Variants in TRAPPC8 observed in about 807,000 individuals in gnomAD.
The protein encoded by TRAPPC8 is general sporulation gene 1 homolog.
Under a neutral mutation model 174.3 loss-of-function variants are expected in TRAPPC8, and 54 were observed. The ratio of observed to expected loss-of-function variants is 0.31; its 90% CI spans 0.25 to 0.39. The LOEUF (loss-of-function observed/expected upper bound fraction) is 0.39, where lower values mean the gene tolerates loss of function less well. TRAPPC8 is among the 10% of genes least tolerant of loss of function. The probability of loss-of-function intolerance (pLI) is 1.00; values close to 1 mark genes in which losing one functional copy is unlikely to be tolerated. For synonymous variants in TRAPPC8, 630 were observed against 579.9 expected (o/e 1.09, Z -1.24); for missense variants, 1,531 against 1,699.1 (o/e 0.90, Z 1.74).
intron 24 of TRAPPC8, among the ~76,000 whole-genome samples, chr18:31,850,336 A>G (rs1377175369): frequency 2.0e-5 from 3 of 152,226 alleles, no homozygotes; most frequent in African/African-American, 7.2e-5. Flanking sequence ...CCAAGTATCT[A>G]GGGAGAATGA....
rs749815507 is a variant in TRAPPC8, at chr18:31,874,609, C to A, written c.1824G>T (p.Gly608=). 2.5e-5 allele frequency: 40 copies of A among 1,613,920 alleles called. 1 individual carries two copies. The South Asian group carries it at 4.3e-4, about 17-fold the overall frequency. ...GCTGTCTAAGAGTATAGGACTGGCG[C>A]CCAATAGTGAAATTAATGTGATCCT... The part of the protein sequence containing the change: ...LAEDHINFTI[G]RQSYTLRQLD... The change falls in exon 13 of 29, where the codon GGG becomes GGT. Residue 608 remains glycine, a synonymous_variant. Transcript: ENST00000283351.
At chr18:31,836,758 C>CTTTT (rs68104803) in intron 27 of TRAPPC8, among the ~76,000 whole-genome samples, 3 of 89,872 alleles carry the variant, frequency 3.3e-5, no homozygotes, top group African/African-American at 4.7e-5. Context: ...ATCTTTCAGT[C>CTTTT]TTTTTTTTTT....
At chr18:31,942,546 A>G in intron 1 of TRAPPC8, 62 bp downstream of exon 1, 1 of 1,466,110 alleles carries the variant, frequency 6.8e-7, no homozygotes, top group Non-Finnish European at 9.1e-7. Context: ...GCCCGCCCGC[A>G]ACTTCCTTCT....
At chr18:31,870,646 C>G (rs1314058600) in intron 15 of TRAPPC8, 144 bp from the exon 16 acceptor site, 1 of 957,990 alleles carries the variant, frequency 1.0e-6, no homozygotes, top group Non-Finnish European at 1.5e-6. Flanking sequence ...TCCACGTATT[C>G]AGGATTCTGT....
chr18:31,849,633 G>C lies in TRAPPC8; in HGVS notation c.3668C>G (p.Thr1223Arg), dbSNP rs141947332. The change falls in exon 25 of 29, where the codon ACA becomes AGA. Residue 1223 changes from threonine (T) to arginine (R), a missense_variant. Coordinates refer to ENST00000283351, the MANE Select transcript of TRAPPC8 (RefSeq NM_014939.5). ...HLPVHTEKQS[T>R]EDAVRLIQKC... is the part of the protein sequence containing the mutation. Reference sequence around the variant, plus strand: ...TTGAATCAATCTCACAGCATCCTCTGTTGACTGTTTTTCTGTATGCACAGG... The same window carrying C: ...TTGAATCAATCTCACAGCATCCTCTCTTGACTGTTTTTCTGTATGCACAGG... 87 of 1,613,082 alleles carry C rather than the reference G, an allele frequency of 5.4e-5. No homozygotes were observed. In the African/African-American group the frequency reaches 1.0e-3, roughly 19 times the overall value.
chr18:31,923,871 G>A (rs1267649847), intron 2 of TRAPPC8, among the ~76,000 whole-genome samples: 1 of 152,232 alleles, frequency 6.6e-6, no homozygotes, highest in Non-Finnish European at 1.5e-5. Flanking sequence ...ATAAGGCCGG[G>A]TGTGGTGGCT....
chr18:31,836,164 G>A (rs1031103547), intron 27 of TRAPPC8, among the ~76,000 whole-genome samples: 5 of 152,144 alleles, frequency 3.3e-5, no homozygotes, highest in African/African-American at 4.8e-5. Flanking sequence ...TAGAGATGCC[G>A]GTACCCTGCT....
intron 20 of TRAPPC8, among the ~76,000 whole-genome samples, chr18:31,856,570 A>G (rs1195150882): frequency 6.6e-6 from 1 of 152,140 alleles, no homozygotes; most frequent in African/African-American, 2.4e-5. Flanking sequence ...ACTACCAAAT[A>G]AAGTTCAAAC....
chr18:31,849,706 A>C lies in TRAPPC8; in HGVS notation c.3595T>G (p.Phe1199Val). The C allele has an allele frequency of 1.2e-6, 2 of 1,610,834 alleles. No individual in the cohort carries two copies. Among genetic ancestry groups the C allele is most frequent in the Non-Finnish European group, 8.5e-7 (1 of 1,178,400 alleles). ...AATTCAGAAGATAAACTTCGATAAA[A>C]GAAGTCTGCACATGGGCTTGCTGAA... ...ISSASPCADFFYRSLSSELKK... is the reference protein window; with the variant it reads ...ISSASPCADFVYRSLSSELKK... Residue 1199 changes from phenylalanine (F) to valine (V), a missense_variant, in exon 25 of 29, where the codon TTT (phenylalanine) becomes GTT (valine). Coordinates refer to ENST00000283351, the MANE Select transcript of TRAPPC8 (RefSeq NM_014939.5).
chr18:31,931,215 C>T, intron 2 of TRAPPC8, 114 bp downstream of exon 2: 1 of 961,400 alleles, frequency 1.0e-6, no homozygotes, highest in Non-Finnish European at 1.5e-6. Context: ...ATTCTCAGGC[C>T]CTAGCACTTA....
Position 31,845,153 on chromosome 18 carries a change from C to T in TRAPPC8, c.3837+1563G>A, listed in dbSNP as rs1474100382. On this transcript the variant is annotated intron_variant, in intron 26 of 28. Transcript: ENST00000283351. ...GTGGCGGGTGGCCACTGCACTCCAG[C>T]CTGGGCGACAGCGAGACTCCGTCTC... is the stretch of plus-strand genomic sequence containing the variant. 5 of 150,736 alleles carry T rather than the reference C, an allele frequency of 3.3e-5. No homozygotes were observed. The East Asian group carries it at 5.8e-4, about 18-fold the overall frequency. The allele number at this position is 150,736 out of a possible 1,614,324, so 9.3% of individuals were successfully genotyped here. A position where few individuals can be genotyped will look rare whatever the true frequency, so the allele number is the denominator to read the frequency against.
intron 27 of TRAPPC8, 125 bp from the exon 28 acceptor site, chr18:31,832,298 G>A: frequency 2.7e-6 from 1 of 374,304 alleles, no homozygotes; most frequent in Non-Finnish European, 4.5e-6. Context: ...GATTCAAGAA[G>A]GAAAAAGCTC....
At chr18:31,860,874 T>C (rs1360539025) in intron 19 of TRAPPC8, among the ~76,000 whole-genome samples, 1 of 152,204 alleles carries the variant, frequency 6.6e-6, no homozygotes, top group South Asian at 2.1e-4. Flanking sequence ...CCCAAACTTG[T>C]TCACATAAAT....
intron 12 of TRAPPC8, among the ~76,000 whole-genome samples, chr18:31,878,465 T>G (rs1056424100): frequency 3.9e-5 from 6 of 152,010 alleles, no homozygotes; most frequent in African/African-American, 1.5e-4. Context: ...CTAAAGAAAT[T>G]TGTCACCACC....
At chr18:31,920,499 T>G (rs930446992) in intron 2 of TRAPPC8, among the ~76,000 whole-genome samples, 1 of 152,144 alleles carries the variant, frequency 6.6e-6, no homozygotes, top group Non-Finnish European at 1.5e-5. Flanking sequence ...TTCATGTTCA[T>G]TCTTATAAAA....
intron 12 of TRAPPC8, among the ~76,000 whole-genome samples, chr18:31,880,090 A>ATAT (rs1555668934): frequency 4.2e-4 from 36 of 85,352 alleles, no homozygotes; most frequent in Middle Eastern, 7.1e-3. Context: ...TGAAAAAAAA[A>ATAT]ATATATATAT....
intron 19 of TRAPPC8, among the ~76,000 whole-genome samples, chr18:31,863,581 G>A (rs2034438433): frequency 6.6e-6 from 1 of 152,170 alleles, no homozygotes; most frequent in African/African-American, 2.4e-5. Context: ...CGTGTAGTAT[G>A]ATTGCATCTA....
intron 2 of TRAPPC8, among the ~76,000 whole-genome samples, chr18:31,920,078 A>G (rs189107433): frequency 6.6e-5 from 10 of 152,342 alleles, no homozygotes; most frequent in Non-Finnish European, 4.4e-5. Context: ...TGATAAGAAA[A>G]TAAGAAATAC....
chr18:31,848,111 A>G (rs1323754464), intron 25 of TRAPPC8, among the ~76,000 whole-genome samples: 1 of 152,112 alleles, frequency 6.6e-6, no homozygotes, highest in African/African-American at 2.4e-5. Flanking sequence ...AAAATCTACC[A>G]GTCACTTTCT....
Sources: allele counts gnomAD v4.1 joint callset (sites outside exome capture counted in the v4.1 genomes callset), GRCh38; gene constraint gnomAD v4.1.1; transcripts MANE v1.5; gene names NCBI Gene and HGNC (gene_info 2026-07-23, HGNC 2026-07-21).